Variants in FOXP1 observed in about 807,000 individuals in gnomAD.
FOXP1 encodes forkhead box protein P1.
In FOXP1, 15 loss-of-function variants were observed where a neutral mutation model predicts 98.2. That is an observed-to-expected ratio of 0.15 (90% CI 0.10 to 0.24). The LOEUF (loss-of-function observed/expected upper bound fraction) is 0.24. FOXP1 is among the 10% of genes least tolerant of loss of function. The pLI is 1.00. For missense variants in FOXP1, 633 were observed against 848.5 expected, an observed-to-expected ratio of 0.75 and a Z score of 3.15; for synonymous variants, 371 against 314.5, an observed-to-expected ratio of 1.18 and a Z score of -1.90.
At chr3:71,511,756 A>T (rs1342017688) in intron 2 of FOXP1, among the ~76,000 whole-genome samples, 1 of 152,214 alleles carries the variant, frequency 6.6e-6, no homozygotes, top group African/African-American at 2.4e-5. Context: ...ATCATGGTTC[A>T]ATGACTTAAA....
At chr3:70,981,210 AAAAAAAAAG>A in intron 14 of FOXP1, among the ~76,000 whole-genome samples, 1 of 149,684 alleles carries the variant, frequency 6.7e-6, no homozygotes, top group African/African-American at 2.5e-5. Flanking sequence ...AAAAAAAAAA[AAAAAAAAAG>A]CAACAGCGAA....
At chr3:71,202,329 C>T (rs534095132) in intron 5 of FOXP1, among the ~76,000 whole-genome samples, 21 of 152,124 alleles carry the variant, frequency 1.4e-4, no homozygotes, top group Non-Finnish European at 2.4e-4. Context: ...TTAAAATTTC[C>T]CATAATCTCC....
chr3:71,498,959 C>T lies in FOXP1; in HGVS notation c.-297-5404G>A, dbSNP rs545982680. Among the ~76,000 whole-genome samples the T allele has an allele frequency of 1.1e-4, 17 of 152,298 alleles. No homozygotes were observed. The South Asian group carries it at 3.5e-3, about 32-fold the overall frequency. Reference sequence around the variant, plus strand: ...GATCTAGGAAGGAGTTCATTTCCCACCTTGACCTCTCCCATGGGTTACCTG... The same window carrying T: ...GATCTAGGAAGGAGTTCATTTCCCATCTTGACCTCTCCCATGGGTTACCTG... On this transcript the variant is annotated intron_variant, in intron 2 of 20. Coordinates refer to ENST00000649528, the MANE Select transcript of FOXP1 (RefSeq NM_001349338.3).
intron 2 of FOXP1, chr3:71,580,939 C>T: frequency 1.0e-6 from 1 of 985,398 alleles, no homozygotes; most frequent in Non-Finnish European, 1.2e-6. Context: ...TTGGAAAATA[C>T]CTGTGAGCAG....
rs972014461 is a variant in FOXP1, at chr3:71,577,788, T to TA, written c.-298+3760dup. On this transcript the variant is annotated intron_variant, in intron 2 of 20. Coordinates refer to ENST00000649528, the MANE Select transcript of FOXP1 (RefSeq NM_001349338.3). ...CTGGTGGGACTAACTACCATCAACT[T>TA]AAAAAAAAAAAATCCCCTGCAAATA... Among the ~76,000 whole-genome samples the TA allele has an allele frequency of 6.0e-4, 87 of 145,560 alleles. No individual in the cohort carries two copies. In the Middle Eastern group the frequency reaches 0.014, roughly 24 times the overall value.
intron 11 of FOXP1, among the ~76,000 whole-genome samples, chr3:71,033,871 C>T (rs555736488): frequency 2.6e-5 from 4 of 152,294 alleles, no homozygotes; most frequent in South Asian, 4.1e-4. Flanking sequence ...AATGCTGATT[C>T]GCCCCCAGGG....
intron 7 of FOXP1, among the ~76,000 whole-genome samples, chr3:71,057,689 C>G (rs2050874721): frequency 6.6e-6 from 1 of 152,082 alleles, no homozygotes; most frequent in Non-Finnish European, 1.5e-5. Flanking sequence ...AAAACGCACA[C>G]AGTTAACACT....
At position 71,372,313 on chromosome 3, in the gene FOXP1, T is replaced by G. The variant is rs570229710; in HGVS notation, c.-167-13069A>C. Among the ~76,000 whole-genome samples the G allele has an allele frequency of 3.0e-4, 46 of 152,206 alleles. No homozygotes were observed. In the South Asian group the frequency reaches 9.6e-3, roughly 32 times the overall value. On this transcript the variant is annotated intron_variant, in intron 3 of 20. Transcript: ENST00000649528. Reference sequence around the variant, plus strand: ...CTGAGATTACAGGCGTGAGCCACTGTGCCTGGCCGAGGATCATTCTTTAAG... The same window carrying G: ...CTGAGATTACAGGCGTGAGCCACTGGGCCTGGCCGAGGATCATTCTTTAAG...
chr3:71,470,134 T>A (rs1223806084), intron 3 of FOXP1, among the ~76,000 whole-genome samples: 1 of 152,132 alleles, frequency 6.6e-6, no homozygotes, highest in Non-Finnish European at 1.5e-5. Context: ...TAGCTCCTAC[T>A]GTCCTTTGGA....
intron 13 of FOXP1, among the ~76,000 whole-genome samples, chr3:70,989,592 T>A (rs2040292358): frequency 1.3e-5 from 2 of 152,184 alleles, no homozygotes; most frequent in African/African-American, 2.4e-5. Flanking sequence ...ATTATTTTTT[T>A]TAAAATGTAA....
At chr3:71,077,939 TCTC>T (rs2053990591) in intron 7 of FOXP1, among the ~76,000 whole-genome samples, 1 of 151,986 alleles carries the variant, frequency 6.6e-6, no homozygotes, top group Non-Finnish European at 1.5e-5. Flanking sequence ...TTCAAGCAAT[TCTC>T]CTGTTTCAGC....
chr3:71,385,406 G>A (rs1223568670), intron 3 of FOXP1, among the ~76,000 whole-genome samples: 2 of 152,112 alleles, frequency 1.3e-5, no homozygotes, highest in Non-Finnish European at 2.9e-5. Context: ...TGAACCACAC[G>A]TACACAAAGT....
chr3:71,164,268 C>T (rs2061293964), intron 6 of FOXP1, among the ~76,000 whole-genome samples: 1 of 152,050 alleles, frequency 6.6e-6, no homozygotes, highest in Non-Finnish European at 1.5e-5. Context: ...GGCGCAATCT[C>T]GGCTCACTGC....
At chr3:70,964,598 G>A (rs2106974102) in intron 20 of FOXP1, among the ~76,000 whole-genome samples, 1 of 152,326 alleles carries the variant, frequency 6.6e-6, no homozygotes, top group South Asian at 2.1e-4. Context: ...AATGATTTAA[G>A]ATGAATACAA....
chr3:71,117,915 C>T (rs1237310010), intron 6 of FOXP1, among the ~76,000 whole-genome samples: 1 of 152,176 alleles, frequency 6.6e-6, no homozygotes, highest in Non-Finnish European at 1.5e-5. Context: ...ACTTAGAGCC[C>T]AGTTGCACAC....
chr3:71,097,561 A>T (rs2056583067), intron 7 of FOXP1, among the ~76,000 whole-genome samples: 1 of 152,218 alleles, frequency 6.6e-6, no homozygotes, highest in South Asian at 2.1e-4. Context: ...AATAGTTTAT[A>T]CATACAAACT....
At chr3:70,967,708 T>G (rs745556620) in intron 19 of FOXP1, among the ~76,000 whole-genome samples, 1,332 of 121,606 alleles carry the variant, frequency 0.011, 21 homozygotes, top group Non-Finnish European at 0.017. Flanking sequence ...TTGTTTTTTT[T>G]TGTTTTTTTT....
intron 6 of FOXP1, among the ~76,000 whole-genome samples, chr3:71,149,018 A>T (rs907428324): frequency 6.6e-6 from 1 of 152,254 alleles, no homozygotes; most frequent in Non-Finnish European, 1.5e-5. Flanking sequence ...CAATTTGGAT[A>T]GGCCTCAGAC....
intron 5 of FOXP1, among the ~76,000 whole-genome samples, chr3:71,241,491 CTTAA>C: frequency 6.6e-6 from 1 of 152,290 alleles, no homozygotes; most frequent in East Asian, 1.9e-4. Flanking sequence ...ATCCTTCTTT[CTTAA>C]AGGAACACTC....
Sources: allele counts gnomAD v4.1 joint callset (sites outside exome capture counted in the v4.1 genomes callset), GRCh38; gene constraint gnomAD v4.1.1; transcripts MANE v1.5; gene names NCBI Gene and HGNC (gene_info 2026-07-23, HGNC 2026-07-21).